The following URI1 variants were observed in gnomAD, a reference collection of about 807,000 sequenced individuals.
URI1 encodes unconventional prefoldin RPB5 interactor 1.
A neutral mutation model predicts 60.2 loss-of-function variants in URI1; 39 were observed. The observed-to-expected ratio is 0.65, with a 90% CI of 0.50 to 0.85. The LOEUF is 0.85. URI1 is among the 40% of genes least tolerant of loss of function. URI1 has a pLI of 0.00. For missense variants in URI1, 691 were observed against 665.9 expected, an observed-to-expected ratio of 1.04 and a Z score of -0.42; for synonymous variants, 251 against 236.8, an observed-to-expected ratio of 1.06 and a Z score of -0.55.
intron 3 of URI1, among the ~76,000 whole-genome samples, chr19:29,985,926 A>G (rs1305125228): frequency 1.3e-5 from 2 of 152,212 alleles, no homozygotes; most frequent in East Asian, 1.9e-4. Flanking sequence ...TTCTTTATCA[A>G]AAGTATTTTG....
chr19:29,985,418 G>A, intron 3 of URI1, 117 bp downstream of exon 3: 1 of 752,664 alleles, frequency 1.3e-6, no homozygotes, highest in Non-Finnish European at 2.1e-6. Context: ...ATGTAGCAAG[G>A]AAGATTTGTT....
At chr19:30,011,982 G>A (rs1318978914) in intron 9 of URI1, among the ~76,000 whole-genome samples, 1 of 151,900 alleles carries the variant, frequency 6.6e-6, no homozygotes, top group Non-Finnish European at 1.5e-5. Context: ...CACCAACATG[G>A]CACATGTATA....
At chr19:29,986,149 C>A in intron 3 of URI1, 133 bp from the exon 4 acceptor site, 2 of 851,456 alleles carry the variant, frequency 2.3e-6, no homozygotes, top group Non-Finnish European at 3.3e-6. Context: ...TTCTGTGAAG[C>A]TGGCATTTTA....
At chr19:30,006,904 A>G (rs2055950041) in intron 6 of URI1, among the ~76,000 whole-genome samples, 1 of 152,128 alleles carries the variant, frequency 6.6e-6, no homozygotes, top group African/African-American at 2.4e-5. Flanking sequence ...TAAAAAGTAG[A>G]GATGTTCATA....
At chr19:29,983,125 T>C (rs2055619404) in intron 2 of URI1, 1 of 152,202 alleles carries the variant, frequency 6.6e-6, no homozygotes, top group Non-Finnish European at 1.5e-5. Context: ...ATGTTTCGTA[T>C]TTATTTATAG....
intron 4 of URI1, among the ~76,000 whole-genome samples, chr19:30,000,959 A>G (rs1271607226): frequency 1.3e-5 from 2 of 151,490 alleles, no homozygotes; most frequent in Non-Finnish European, 3.0e-5. Flanking sequence ...TTTCCTGTAC[A>G]TAGTTTCATT....
upstream of URI1, among the ~76,000 whole-genome samples, chr19:29,939,065 C>T (rs1238132146): frequency 6.6e-6 from 1 of 151,276 alleles, no homozygotes; most frequent in Non-Finnish European, 1.5e-5. Flanking sequence ...GCAACCTCCA[C>T]TTCCAGGGTT....
At chr19:29,957,078 T>G in intron 1 of URI1, 1 of 518,092 alleles carries the variant, frequency 1.9e-6, no homozygotes, top group Non-Finnish European at 3.5e-6. Context: ...TTTTCCTGCT[T>G]ATAATTCTTT....
Position 30,015,368 on chromosome 19 carries a change from T to G in URI1, c.*299T>G. 2 of 1,431,146 alleles carry G rather than the reference T, an allele frequency of 1.4e-6. No homozygotes were observed. The highest frequency in any genetic ancestry group is 1.8e-6 in the Non-Finnish European group (2 of 1,100,682). The allele number at this position is 1,431,146 out of a possible 1,614,324, so 88.7% of individuals were successfully genotyped here. The stretch of plus-strand genomic sequence containing the variant: ...TTCAAAGAATACTGTTCATATGCAT[T>G]GTTTTTGTGTTTCAAACTAAATACA... On this transcript the variant is annotated 3_prime_UTR_variant, in exon 11 of 11. Transcript: ENST00000392271.
rs366246 is a variant in URI1 at position 29,994,327 on chromosome 19, C to T, written c.367+7910C>T. 7.4e-3 allele frequency among the ~76,000 whole-genome samples: 1,126 copies of T among 152,060 alleles called. 22 individuals are homozygous for T. The highest frequency in any genetic ancestry group is 0.026 in the African/African-American group (1,065 of 41,448). On this transcript the variant is annotated intron_variant, in intron 4 of 10. Transcript: ENST00000392271. ...CTCCCCTCCCCTCCCTTCCCTTCCC[C>T]TCATTCACATGGTTGGTCAGCTATA...
At chr19:29,982,991 C>G (rs578209315) in intron 2 of URI1, among the ~76,000 whole-genome samples, 1 of 152,288 alleles carries the variant, frequency 6.6e-6, no homozygotes, top group Non-Finnish European at 1.5e-5. Flanking sequence ...GATTCACTCT[C>G]TGGTCTGACT....
chr19:29,968,272 G>A (rs1466270108), intron 1 of URI1, among the ~76,000 whole-genome samples: 2 of 151,990 alleles, frequency 1.3e-5, no homozygotes, highest in Admixed American at 1.3e-4. Context: ...TGTTTTGGCA[G>A]GTTTAAAAAA....
Position 29,942,451 on chromosome 19 carries a change from A to AGGGC in URI1, c.-91_-88dup, listed in dbSNP as rs889254580. 149 of 1,007,656 alleles carry AGGGC rather than the reference A, an allele frequency of 1.5e-4. No individual in the cohort carries two copies. Among genetic ancestry groups the AGGGC allele is most frequent in the Non-Finnish European group, 1.6e-4 (139 of 845,294 alleles). The allele number at this position is 1,007,656 out of a possible 1,614,324, so 62.4% of individuals were successfully genotyped here. ...CTGGGCGCGGGGCGCGCGGTGCCTG[A>AGGGC]GGGCGGGCGCGCGGGCGCTGGGCAA... is the stretch of plus-strand genomic sequence containing the variant. On this transcript the variant is annotated 5_prime_UTR_variant, in exon 1 of 11. It removes the in-frame stop codon of an upstream open reading frame in the 5' UTR. Coordinates refer to ENST00000392271, the MANE Select transcript of URI1 (RefSeq NM_003796.3).
intron 2 of URI1, among the ~76,000 whole-genome samples, chr19:29,975,758 C>T (rs985310485): frequency 3.3e-5 from 5 of 152,236 alleles, no homozygotes; most frequent in East Asian, 3.9e-4. Context: ...CACCCTCCTC[C>T]GCCTCCTAAA....
At chr19:29,929,219 T>C (rs1217236121) in intron 1 of URI1, among the ~76,000 whole-genome samples, 1 of 152,212 alleles carries the variant, frequency 6.6e-6, no homozygotes, top group Non-Finnish European at 1.5e-5. Flanking sequence ...CCAGAATGGC[T>C]GTACCATTTT....
At chr19:29,980,639 A>AAAAC (rs869280187) in intron 2 of URI1, among the ~76,000 whole-genome samples, 1 of 144,334 alleles carries the variant, frequency 6.9e-6, no homozygotes, top group African/African-American at 2.6e-5. Flanking sequence ...AAAAAAAAAA[A>AAAAC]CTGGGCCAGG....
upstream of URI1, among the ~76,000 whole-genome samples, chr19:29,941,615 A>T (rs1402545481): frequency 6.6e-6 from 1 of 151,202 alleles, no homozygotes; most frequent in Non-Finnish European, 1.5e-5. Flanking sequence ...ACCAAGACTC[A>T]GTCTCTTAAA....
chr19:29,998,456 C>T (rs1215639271), intron 4 of URI1, among the ~76,000 whole-genome samples: 1 of 151,914 alleles, frequency 6.6e-6, no homozygotes, highest in Non-Finnish European at 1.5e-5. Flanking sequence ...TAATTTCTCC[C>T]TTCTGTTCTG....
In URI1 at chr19:30,012,544, A is replaced by C; in HGVS notation, c.1425+13A>C. On this transcript the variant is annotated intron_variant, in intron 10 of 10. Transcript: ENST00000392271. ...AGTAACACCTGAGGTGTGTGTGTGTATCTTTTAATTCTTTATTTCATATAG... is the reference window on the plus strand; with the variant it reads ...AGTAACACCTGAGGTGTGTGTGTGTCTCTTTTAATTCTTTATTTCATATAG... 1 of 1,610,702 alleles carries C rather than the reference A, an allele frequency of 6.2e-7. No individual in the cohort carries two copies. The highest frequency in any genetic ancestry group is 1.1e-5 in the South Asian group (1 of 90,736).
Sources: gnomAD v4.1 joint callset for allele counts (sites outside exome capture counted in the v4.1 genomes callset) on GRCh38, gnomAD v4.1.1 for gene constraint, MANE v1.5 for transcripts, NCBI Gene and HGNC (gene_info 2026-07-23, HGNC 2026-07-21) for gene names.